Variants in BICDL1 observed in about 807,000 individuals in gnomAD.
BICDL1 encodes BICD family-like cargo adapter 1.
In BICDL1, 20 loss-of-function variants were observed where a neutral mutation model predicts 76.8. That is an observed-to-expected ratio of 0.26 (90% CI 0.18 to 0.38). The LOEUF (loss-of-function observed/expected upper bound fraction) is 0.38, where lower values mean the gene tolerates loss of function less well. BICDL1 is among the 10% of genes least tolerant of loss of function. The pLI is 1.00. For missense variants in BICDL1, 700 were observed against 798.6 expected, an observed-to-expected ratio of 0.88 and a Z score of 1.49; for synonymous variants, 383 against 337.1, an observed-to-expected ratio of 1.14 and a Z score of -1.49.
rs187277821 is a variant in BICDL1, at chr12:120,052,144, A to G, written c.646-9566A>G. On this transcript the variant is annotated intron_variant, in intron 2 of 9. Coordinates refer to ENST00000548673, the MANE Select transcript of BICDL1 (RefSeq NM_001367886.1). ...TTTTTAGTAGAGACGGGTTTTCACT[A>G]TGTTGGCCAGGCTGGTCTTGAACTC... Among the ~76,000 whole-genome samples the G allele has an allele frequency of 4.6e-4, 70 of 151,986 alleles. No individual in the cohort carries two copies. In the East Asian group the frequency reaches 0.01, roughly 22 times the overall value.
At chr12:120,084,127 C>T (rs1474191961) in intron 8 of BICDL1, among the ~76,000 whole-genome samples, 7 of 152,148 alleles carry the variant, frequency 4.6e-5, no homozygotes, top group Non-Finnish European at 1.5e-5. Flanking sequence ...CTCAGCCTCC[C>T]GAGTAGCTGG....
chr12:120,066,391 A>C (rs558078490), intron 4 of BICDL1, among the ~76,000 whole-genome samples: 2 of 152,326 alleles, frequency 1.3e-5, no homozygotes, highest in South Asian at 4.1e-4. Flanking sequence ...TGCCTAAAAG[A>C]AACTTTCAGT....
chr12:120,024,628 C>T (rs923861530), intron 2 of BICDL1, among the ~76,000 whole-genome samples: 7 of 152,242 alleles, frequency 4.6e-5, no homozygotes, highest in African/African-American at 1.2e-4. Flanking sequence ...TGCTTCTCAC[C>T]GTCCAGTGTA....
chr12:120,060,526 G>A (rs1953081602), intron 2 of BICDL1, among the ~76,000 whole-genome samples: 1 of 152,130 alleles, frequency 6.6e-6, no homozygotes, highest in East Asian at 1.9e-4. Flanking sequence ...ACTGAAACTT[G>A]GGAAACAAAG....
intron 3 of BICDL1, among the ~76,000 whole-genome samples, chr12:120,062,914 A>G (rs954242725): frequency 4.6e-5 from 7 of 152,178 alleles, no homozygotes; most frequent in African/African-American, 1.4e-4. Flanking sequence ...CTAGACCCTC[A>G]TGAACCGGGT....
chr12:120,007,553 T>C (rs111310162), intron 2 of BICDL1, among the ~76,000 whole-genome samples: 45 of 152,328 alleles, frequency 3.0e-4, no homozygotes, highest in African/African-American at 1.0e-3. Flanking sequence ...AACAGATGCT[T>C]TGTCTGTTTC....
intron 8 of BICDL1, among the ~76,000 whole-genome samples, chr12:120,087,161 C>T (rs1458395237): frequency 6.6e-6 from 1 of 152,238 alleles, no homozygotes; most frequent in Non-Finnish European, 1.5e-5. Flanking sequence ...CAACCGATGC[C>T]GCGTGAGGAT....
intron 9 of BICDL1, chr12:120,092,396 C>G: frequency 1.0e-6 from 1 of 985,448 alleles, no homozygotes; most frequent in Non-Finnish European, 1.2e-6. Flanking sequence ...CGTGAGGCCC[C>G]TGGCCTCTGC....
chr12:120,080,754 A>C (rs1594210418), intron 7 of BICDL1, 133 bp from the exon 8 acceptor site: 4 of 818,776 alleles, frequency 4.9e-6, no homozygotes, highest in East Asian at 5.8e-5. Flanking sequence ...GCAGGATGGC[A>C]GTGGAATGCT....
intron 2 of BICDL1, among the ~76,000 whole-genome samples, chr12:120,022,612 G>A (rs1425504648): frequency 6.6e-6 from 1 of 151,758 alleles, no homozygotes; most frequent in East Asian, 1.9e-4. Flanking sequence ...AGTGAAGCTG[G>A]CATAACAGAG....
At position 120,079,106 on chromosome 12, in the gene BICDL1, G is replaced by T. The variant is rs989192147; in HGVS notation, c.1453-1781G>T. On this transcript the variant is annotated intron_variant, in intron 7 of 9. Transcript: ENST00000548673. The surrounding 1 kb of genome is among the most constrained non-coding windows in gnomAD (Gnocchi z 4.3). Reference sequence around the variant, plus strand: ...CCCTCCTCACCCAGCTGTCCCTACCGGAAAAGCTGCTGCTTTGGGCTGTTC... The same window carrying T: ...CCCTCCTCACCCAGCTGTCCCTACCTGAAAAGCTGCTGCTTTGGGCTGTTC... Among the ~76,000 whole-genome samples, 4 of 152,242 alleles carry T rather than the reference G, an allele frequency of 2.6e-5. No individual in the cohort carries two copies. The highest frequency in any genetic ancestry group is 4.4e-5 in the Non-Finnish European group (3 of 68,042).
In BICDL1 at chr12:120,094,391, AATATAC is replaced by A; in HGVS notation, c.*1236_*1241del. On this transcript the variant is annotated 3_prime_UTR_variant, in exon 10 of 10. Transcript: ENST00000548673. ...ATGTAAATACATGTATGGATTTTATAATATACATATATAAAAATCTATAAAGGCATA... is the reference window on the plus strand; with the variant it reads ...ATGTAAATACATGTATGGATTTTATAATATATAAAAATCTATAAAGGCATA... 1 of 403,348 alleles carries A rather than the reference AATATAC, an allele frequency of 2.5e-6. No individual in the cohort carries two copies. Among genetic ancestry groups the A allele is most frequent in the South Asian group, 1.7e-5 (1 of 57,392 alleles). The allele number at this position is 403,348 out of a possible 1,614,324, so 25.0% of individuals were successfully genotyped here.
chr12:120,089,315 G>A (rs1464255761), intron 8 of BICDL1, among the ~76,000 whole-genome samples: 1 of 151,170 alleles, frequency 6.6e-6, no homozygotes, highest in Non-Finnish European at 1.5e-5. Context: ...GGGTGTGACG[G>A]AGTTCTGCTC....
At chr12:119,999,732 G>T (rs1426713263) in intron 2 of BICDL1, 2 of 426,570 alleles carry the variant, frequency 4.7e-6, no homozygotes, top group Non-Finnish European at 9.1e-6. Flanking sequence ...TGTTATTAAT[G>T]CCCTGGTCTA....
chr12:120,015,678 CAT>C (rs1452121792), intron 2 of BICDL1, among the ~76,000 whole-genome samples: 11 of 152,336 alleles, frequency 7.2e-5, no homozygotes, highest in Admixed American at 7.2e-4. Context: ...GCCAGCTAAG[CAT>C]ATGTTACTTA....
chr12:120,089,476 C>T (rs1288249697), intron 8 of BICDL1, among the ~76,000 whole-genome samples: 2 of 152,102 alleles, frequency 1.3e-5, no homozygotes, highest in African/African-American at 2.4e-5. Flanking sequence ...ACCTCCTTCT[C>T]CTGGGTTCAA....
intron 2 of BICDL1, among the ~76,000 whole-genome samples, chr12:120,028,555 A>C (rs1419556393): frequency 6.6e-6 from 1 of 152,134 alleles, no homozygotes; most frequent in African/African-American, 2.4e-5. Context: ...AGGCGCCTGT[A>C]ATCCTAGCCA....
In BICDL1 at chr12:120,093,327, A is replaced by T; in HGVS notation, c.*166A>T. The T allele has an allele frequency of 1.3e-6, 1 of 790,016 alleles. No homozygotes were observed. The highest frequency in any genetic ancestry group is 2.0e-6 in the Non-Finnish European group (1 of 510,452). 48.9% of individuals were successfully genotyped at this position (790,016 alleles called of 1,614,324 possible). ...CTCCCTTTCGTCGGTGGGGATGGAG[A>T]CCTAGAGGTGGGGGCCTGCCTTGGC... On this transcript the variant is annotated 3_prime_UTR_variant, in exon 10 of 10. Coordinates refer to ENST00000548673, the MANE Select transcript of BICDL1 (RefSeq NM_001367886.1).
intron 2 of BICDL1, among the ~76,000 whole-genome samples, chr12:120,010,203 T>C (rs1951926043): frequency 6.6e-6 from 1 of 152,210 alleles, no homozygotes; most frequent in Non-Finnish European, 1.5e-5. Context: ...AGTTGTAAGG[T>C]GGACTGAGTA....
Sources: allele counts gnomAD v4.1 joint callset (sites outside exome capture counted in the v4.1 genomes callset), GRCh38; gene constraint gnomAD v4.1.1; non-coding constraint Gnocchi (gnomAD v3.1); transcripts MANE v1.5; gene names NCBI Gene and HGNC (gene_info 2026-07-23, HGNC 2026-07-21).